SRSF4: variants seen among roughly 807,000 people sequenced by gnomAD.
SRSF4 encodes serine and arginine rich splicing factor 4.
In SRSF4, 12 loss-of-function variants were observed where a neutral mutation model predicts 48.8. The ratio of observed to expected loss-of-function variants is 0.25; its 90% CI spans 0.16 to 0.40. The LOEUF (loss-of-function observed/expected upper bound fraction) is 0.40, where lower values mean the gene tolerates loss of function less well. Among genes scored for constraint, SRSF4 ranks in the 10% least tolerant of loss-of-function variants. The pLI is 1.00. For synonymous variants in SRSF4, 248 were observed against 232.5 expected, an observed-to-expected ratio of 1.07 and a Z score of -0.61; for missense variants, 466 against 667.1, an observed-to-expected ratio of 0.70 and a Z score of 3.32.
chr1:29,159,881 C>A, intron 2 of SRSF4: 1 of 181,494 alleles, frequency 5.5e-6, no homozygotes, highest in East Asian at 1.6e-4. Flanking sequence ...AGTTTAATCT[C>A]ATCTGTGTCT....
At chr1:29,153,715 C>G (rs1353234678) in intron 4 of SRSF4, among the ~76,000 whole-genome samples, 1 of 151,834 alleles carries the variant, frequency 6.6e-6, no homozygotes, top group Non-Finnish European at 1.5e-5. Context: ...TCTCCTGCCT[C>G]AGCCTCCCGA....
chr1:29,150,717 G>A (rs1672396989), intron 4 of SRSF4, among the ~76,000 whole-genome samples: 1 of 152,056 alleles, frequency 6.6e-6, no homozygotes, highest in South Asian at 2.1e-4. Flanking sequence ...CCCGATGCCG[G>A]CTCCTTTTGC....
At chr1:29,163,551 C>G (rs944569102) in intron 1 of SRSF4, among the ~76,000 whole-genome samples, 5 of 152,132 alleles carry the variant, frequency 3.3e-5, no homozygotes, top group African/African-American at 1.2e-4. Flanking sequence ...TGAAGAATGA[C>G]TTAATTTCAT....
intron 1 of SRSF4, among the ~76,000 whole-genome samples, chr1:29,161,654 A>G (rs900949179): frequency 6.6e-6 from 1 of 152,264 alleles, no homozygotes; most frequent in Non-Finnish European, 1.5e-5. Context: ...GCTGGAGCGC[A>G]GTGGTGCGAT....
At chr1:29,159,107 A>AGC (rs1437790505) in intron 3 of SRSF4, among the ~76,000 whole-genome samples, 1 of 135,356 alleles carries the variant, frequency 7.4e-6, no homozygotes, top group East Asian at 2.1e-4. Flanking sequence ...CTCCATCTCA[A>AGC]ACAAACCAAA....
chr1:29,156,527 C>T (rs1420304682), intron 3 of SRSF4, among the ~76,000 whole-genome samples: 2 of 151,972 alleles, frequency 1.3e-5, no homozygotes, highest in Non-Finnish European at 2.9e-5. Flanking sequence ...GTATTAACCC[C>T]ATTTTATAGT....
chr1:29,150,197 G>A lies in SRSF4; in HGVS notation c.579-5C>T, dbSNP rs780693327. On this transcript the variant is annotated splice_region_variant and splice_polypyrimidine_tract_variant and intron_variant, in intron 4 of 5. Transcript: ENST00000373795. ...TGTCTGCTTCGAGAGCGAGACCTAG[G>A]GGGAGAAAATATTTTTTAATACTTG... 11 of 1,612,916 alleles carry A rather than the reference G, an allele frequency of 6.8e-6. No individual in the cohort carries two copies. The highest frequency in any genetic ancestry group is 2.7e-5 in the African/African-American group (2 of 74,816).
intron 1 of SRSF4, among the ~76,000 whole-genome samples, chr1:29,162,286 G>A (rs1005607788): frequency 1.3e-5 from 2 of 152,090 alleles, no homozygotes; most frequent in African/African-American, 4.8e-5. Context: ...TCTTAGAAAA[G>A]GCAAGTAAAG....
At chr1:29,159,149 C>T (rs571249691) in intron 3 of SRSF4, among the ~76,000 whole-genome samples, 1 of 151,206 alleles carries the variant, frequency 6.6e-6, no homozygotes, top group Non-Finnish European at 1.5e-5. Context: ...CAAACCAAAC[C>T]AAACTCACAA....
chr1:29,169,710 T>C (rs142947457), intron 1 of SRSF4: 1 of 152,288 alleles, frequency 6.6e-6, no homozygotes, highest in Non-Finnish European at 1.5e-5. Flanking sequence ...TCTCTAATGA[T>C]GAACTAACCA....
Position 29,156,142 on chromosome 1 carries a change from G to A in SRSF4, c.364-1232C>T, listed in dbSNP as rs116264291. Among the ~76,000 whole-genome samples, 1,303 of 152,210 alleles carry A rather than the reference G, an allele frequency of 8.6e-3. 13 individuals are homozygous for A. Among genetic ancestry groups the A allele is most frequent in the Non-Finnish European group, 0.014 (942 of 68,006 alleles). On this transcript the variant is annotated intron_variant, in intron 3 of 5. Coordinates refer to ENST00000373795, the MANE Select transcript of SRSF4 (RefSeq NM_005626.5). ...GGCCAAGGCCAGGAGATCACCTGAG[G>A]TCAGGAGTTTGTGACCAGCCTGGCA...
At position 29,159,440 on chromosome 1, in the gene SRSF4, A is replaced by T; in HGVS notation, c.297T>A (p.Pro99=). 6.2e-7 allele frequency: 1 copy of T among 1,614,102 alleles called. No homozygotes were observed. Among genetic ancestry groups the T allele is most frequent in the Non-Finnish European group, 8.5e-7 (1 of 1,179,980 alleles). The change falls in exon 3 of 6, where the codon CCT becomes CCA. Residue 99 remains proline, a synonymous_variant. Coordinates refer to ENST00000373795, the MANE Select transcript of SRSF4 (RefSeq NM_005626.5). ...RRSGRDKYGP[P]TRTEYRLIVE... Reference sequence around the variant, plus strand: ...CAATAAGTCTGTACTCTGTGCGAGTAGGAGGGCCATATTTATCTCGGCCAC... The same window carrying T: ...CAATAAGTCTGTACTCTGTGCGAGTTGGAGGGCCATATTTATCTCGGCCAC...
Position 29,148,460 on chromosome 1 carries a change from CAGACCTGGATCT to C in SRSF4, c.1423_1434del (p.Arg475_Ser478del). 6.2e-7 allele frequency: 1 copy of C among 1,612,502 alleles called. No individual in the cohort carries two copies. The highest frequency in any genetic ancestry group is 1.1e-5 in the South Asian group (1 of 90,796). On this transcript the variant is annotated inframe_deletion, in exon 6 of 6. Coordinates refer to ENST00000373795, the MANE Select transcript of SRSF4 (RefSeq NM_005626.5). ...CTAGATCGGGAGGGCGATCTGGAAG[CAGACCTGGATCT>C]AGACTTGGACCGAGATCGGGTTTTT...
At chr1:29,176,175 C>CTGG (rs1220736841) in intron 1 of SRSF4, among the ~76,000 whole-genome samples, 3 of 152,036 alleles carry the variant, frequency 2.0e-5, no homozygotes, top group Non-Finnish European at 4.4e-5. Flanking sequence ...TTGCTTGAAC[C>CTGG]CAAAAGGCGG....
intron 1 of SRSF4, among the ~76,000 whole-genome samples, chr1:29,164,689 G>T (rs138109562): frequency 3.9e-5 from 6 of 152,070 alleles, no homozygotes; most frequent in African/African-American, 1.4e-4. Context: ...AGGAATTCAG[G>T]AGAAAGAATC....
rs1672338336 is a variant in SRSF4 at position 29,148,360 on chromosome 1, A to G, written c.*50T>C. The G allele has an allele frequency of 6.4e-7, 1 of 1,552,238 alleles. No individual in the cohort carries two copies. ...TCCAATCACTTGTGCTACGGCTACC[A>G]AACATGTACAAAAGACTTCTCGGGT... On this transcript the variant is annotated 3_prime_UTR_variant, in exon 6 of 6. Transcript: ENST00000373795.
At chr1:29,179,672 A>G (rs1254684464) in intron 1 of SRSF4, among the ~76,000 whole-genome samples, 1 of 152,130 alleles carries the variant, frequency 6.6e-6, no homozygotes, top group Non-Finnish European at 1.5e-5. Flanking sequence ...AGAAACCTAA[A>G]TTTCTTCACT....
At chr1:29,156,941 G>A (rs1422559094) in intron 3 of SRSF4, among the ~76,000 whole-genome samples, 2 of 152,190 alleles carry the variant, frequency 1.3e-5, no homozygotes, top group Non-Finnish European at 2.9e-5. Flanking sequence ...AGGACGAAAC[G>A]GTGAAAGGCA....
chr1:29,170,527 GC>G, intron 1 of SRSF4: 1 of 152,088 alleles, frequency 6.6e-6, no homozygotes, highest in Admixed American at 6.5e-5. Flanking sequence ...CCTCATAATC[GC>G]CCCTGGTCCC....
Sources: allele counts gnomAD v4.1 joint callset (sites outside exome capture counted in the v4.1 genomes callset), GRCh38; gene constraint gnomAD v4.1.1; transcripts MANE v1.5; gene names NCBI Gene and HGNC (gene_info 2026-07-23, HGNC 2026-07-21).